REPS2: variants seen among roughly 807,000 people sequenced by gnomAD.
REPS2 encodes RALBP1 associated Eps domain containing 2.
In REPS2, 23 loss-of-function variants were observed where a neutral mutation model predicts 53.6. The ratio of observed to expected loss-of-function variants is 0.43; its 90% CI spans 0.31 to 0.61. REPS2 has a LOEUF of 0.61. REPS2 is among the 20% of genes least tolerant of loss of function. The probability of loss-of-function intolerance (pLI) is 0.11; values close to 1 mark genes in which losing one functional copy is unlikely to be tolerated. For missense variants in REPS2, 446 were observed against 534.9 expected (o/e 0.83, Z 1.64); for synonymous variants, 238 against 218.6 (o/e 1.09, Z -0.78).
At chrX:16,978,291 G>A (rs1251962354) in intron 1 of REPS2, among the ~76,000 whole-genome samples, 5 of 111,935 alleles carry the variant, frequency 4.5e-5, no homozygotes, top group Non-Finnish European at 9.4e-5. Context: ...GGATTACTGA[G>A]TACTATCCTT....
At chrX:16,965,786 T>G (rs1164846784) in intron 1 of REPS2, among the ~76,000 whole-genome samples, 1 of 111,085 alleles carries the variant, frequency 9.0e-6, no homozygotes, top group Non-Finnish European at 1.9e-5. Context: ...TGTAGTGAGC[T>G]GAGATCACGC....
intron 1 of REPS2, among the ~76,000 whole-genome samples, chrX:16,991,142 G>A (rs192242595): frequency 6.0e-4 from 67 of 111,466 alleles, no homozygotes; most frequent in African/African-American, 2.0e-3. Flanking sequence ...GTTTTTAAAT[G>A]TCAGTTCCAA....
At chrX:17,048,119 G>A (rs1191480568) in intron 6 of REPS2, among the ~76,000 whole-genome samples, 1 of 112,671 alleles carries the variant, frequency 8.9e-6, no homozygotes, top group Middle Eastern at 4.2e-3. Flanking sequence ...AAATAGTAGA[G>A]TCTAGAAGAA....
At chrX:17,142,494 CAATAAT>C (rs1201918171) in intron 17 of REPS2, among the ~76,000 whole-genome samples, 1 of 111,573 alleles carries the variant, frequency 9.0e-6, no homozygotes, top group African/African-American at 3.3e-5. Context: ...TCTTAAAACT[CAATAAT>C]AAGAACTCTC....
chrX:16,962,972 G>A (rs907098965), intron 1 of REPS2, among the ~76,000 whole-genome samples: 1 of 111,427 alleles, frequency 9.0e-6, no homozygotes, highest in Non-Finnish European at 1.9e-5. Context: ...GGTAGTGCAT[G>A]CCTGTGATCC....
the REPS2 span, among the ~76,000 whole-genome samples, chrX:17,194,816 G>A: frequency 4.5e-5 from 5 of 111,638 alleles, no homozygotes; most frequent in Admixed American, 9.5e-5. Context: ...AAATGTTACC[G>A]TTAGGGGAAA....
At chrX:17,095,020 G>C (rs1168378921) in intron 13 of REPS2, among the ~76,000 whole-genome samples, 2 of 111,883 alleles carry the variant, frequency 1.8e-5, no homozygotes, top group East Asian at 5.6e-4. Flanking sequence ...CTGTTTCTTT[G>C]AGGTCATTTC....
intron 1 of REPS2, among the ~76,000 whole-genome samples, chrX:16,958,114 C>A (rs1336753049): frequency 9.0e-6 from 1 of 111,632 alleles, no homozygotes; most frequent in African/African-American, 3.3e-5. Context: ...AAATACTTTT[C>A]ATAATATATA....
At chrX:17,073,841 T>C (rs1347143543) in intron 11 of REPS2, among the ~76,000 whole-genome samples, 8 of 107,995 alleles carry the variant, frequency 7.4e-5, no homozygotes, top group Admixed American at 5.9e-4. Flanking sequence ...CTTTTTATAC[T>C]GGAATGTCTT....
At chrX:17,078,052 C>A (rs1438313630) in intron 13 of REPS2, among the ~76,000 whole-genome samples, 1 of 112,175 alleles carries the variant, frequency 8.9e-6, no homozygotes, top group Non-Finnish European at 1.9e-5. Flanking sequence ...CCTTGGCTTC[C>A]TGTGAAGTAG....
At chrX:17,141,210 A>G (rs1001768230) in intron 17 of REPS2, among the ~76,000 whole-genome samples, 2 of 112,136 alleles carry the variant, frequency 1.8e-5, no homozygotes, top group Non-Finnish European at 3.8e-5. Context: ...TTCCTGCCCT[A>G]CCCACACAGA....
At chrX:17,016,716 T>G (rs1213109625) in intron 2 of REPS2, among the ~76,000 whole-genome samples, 2 of 110,344 alleles carry the variant, frequency 1.8e-5, no homozygotes, top group Admixed American at 1.9e-4. Context: ...GCCTGACATT[T>G]GAATTTAATA....
intron 2 of REPS2, 127 bp from the exon 3 acceptor site, chrX:17,021,996 C>T: frequency 1.7e-6 from 1 of 594,471 alleles, no homozygotes; most frequent in Non-Finnish European, 2.7e-6. Flanking sequence ...GTATCTAAAT[C>T]TAAATTTATA....
the REPS2 span, among the ~76,000 whole-genome samples, chrX:17,186,443 A>G: frequency 5.3e-5 from 6 of 112,397 alleles, no homozygotes; most frequent in African/African-American, 9.7e-5. Context: ...GAGTGCCATT[A>G]GTATCACATT....
At chrX:17,195,806 A>T in the REPS2 span, among the ~76,000 whole-genome samples, 1 of 112,403 alleles carries the variant, frequency 8.9e-6, no homozygotes, top group Non-Finnish European at 1.9e-5. Context: ...TGGCTTCAAA[A>T]TTCCTCTCTT....
At chrX:16,996,582 G>C (rs992837422) in intron 1 of REPS2, among the ~76,000 whole-genome samples, 1 of 112,166 alleles carries the variant, frequency 8.9e-6, no homozygotes, top group African/African-American at 3.2e-5. Flanking sequence ...TTCACTGGGA[G>C]CTCTACAAAG....
At chrX:17,111,187 GT>G (rs924362757) in intron 14 of REPS2, among the ~76,000 whole-genome samples, 20 of 111,477 alleles carry the variant, frequency 1.8e-4, no homozygotes, top group Admixed American at 2.9e-4. Context: ...AAAATTGCAT[GT>G]TTTTTTTATC....
intron 4 of REPS2, among the ~76,000 whole-genome samples, chrX:17,028,043 G>GC (rs1001150667): frequency 3.6e-5 from 4 of 110,883 alleles, no homozygotes; most frequent in Non-Finnish European, 7.6e-5. Flanking sequence ...TCCAAAAAAG[G>GC]CCCCCCATGC....
At chrX:17,065,991 T>C (rs2062220000) in intron 9 of REPS2, among the ~76,000 whole-genome samples, 1 of 112,127 alleles carries the variant, frequency 8.9e-6, no homozygotes, top group South Asian at 3.7e-4. Flanking sequence ...TTTTTGTATG[T>C]GGATTTCTAG....
Sources: allele counts gnomAD v4.1 joint callset (sites outside exome capture counted in the v4.1 genomes callset), GRCh38; gene constraint gnomAD v4.1.1; transcripts MANE v1.5; gene names NCBI Gene and HGNC (gene_info 2026-07-23, HGNC 2026-07-21).